The following ZNF227 variants were observed in gnomAD, a reference collection of about 807,000 sequenced individuals.
The protein encoded by ZNF227 is zinc finger protein 227.
A neutral mutation model predicts 13.2 loss-of-function variants in ZNF227; 12 were observed. The observed-to-expected ratio is 0.91, with a 90% confidence interval of 0.58 to 1.47. The LOEUF (loss-of-function observed/expected upper bound fraction) is 1.47, where lower values mean the gene tolerates loss of function less well. ZNF227 is among the 40% of genes most tolerant of loss of function. ZNF227 has a pLI of 0.00. For missense variants in ZNF227, 885 were observed against 967.5 expected, an observed-to-expected ratio of 0.91 and a Z score of 1.13; for synonymous variants, 338 against 326.0, an observed-to-expected ratio of 1.04 and a Z score of -0.40.
intron 5 of ZNF227, among the ~76,000 whole-genome samples, chr19:44,230,537 T>G (rs1007709034): frequency 1.3e-5 from 2 of 152,122 alleles, no homozygotes; most frequent in African/African-American, 4.8e-5. Context: ...CAAGTTCCCT[T>G]CTCTTCCATG....
Position 44,236,505 on chromosome 19 carries a change from A to C in ZNF227, c.2075A>C (p.Glu692Ala), listed in dbSNP as rs755237807. 78 of 1,613,254 alleles carry C rather than the reference A, an allele frequency of 4.8e-5. No individual in the cohort carries two copies. In the East Asian group the frequency reaches 1.3e-3, roughly 27 times the overall value. The change falls in exon 6 of 6, where the codon GAG becomes GCG. Residue 692 changes from glutamate (E) to alanine (A), a missense_variant. Glu to Ala is a moderately radical substitution (Grantham distance 107). Coordinates refer to ENST00000313040, the MANE Select transcript of ZNF227 (RefSeq NM_182490.3). ...GGAGAAAAACCTTACAAATGTGAAGAGTGTGGGAAAGGCTTTGGTAGGAGC... is the reference window on the plus strand; with the variant it reads ...GGAGAAAAACCTTACAAATGTGAAGCGTGTGGGAAAGGCTTTGGTAGGAGC... ...HTGEKPYKCE[E>A]CGKGFGRSLN... is the part of the protein sequence containing the mutation.
At position 44,213,152 on chromosome 19, in the gene ZNF227, C is replaced by T. The variant is rs1417530968; in HGVS notation, c.-95C>T. On this transcript the variant is annotated 5_prime_UTR_variant, in exon 2 of 6. Transcript: ENST00000313040. ...CCGCCGTTTATCCGGGATAGAGACT[C>T]CATCGTGCTGACAGCATCCTTTTAT... 1 of 151,978 alleles carries T rather than the reference C, an allele frequency of 6.6e-6. No homozygotes were observed. The highest frequency in any genetic ancestry group is 6.6e-5 in the Admixed American group (1 of 15,254). 9.4% of individuals were successfully genotyped at this position (151,978 alleles called of 1,614,324 possible).
chr19:44,221,461 G>C (rs954674447), intron 3 of ZNF227, among the ~76,000 whole-genome samples: 9 of 152,282 alleles, frequency 5.9e-5, no homozygotes, highest in South Asian at 2.1e-4. Flanking sequence ...ATTCTAACTG[G>C]TGTGAGATGG....
At chr19:44,233,942 C>T (rs915471666) in intron 5 of ZNF227, among the ~76,000 whole-genome samples, 6 of 151,922 alleles carry the variant, frequency 3.9e-5, no homozygotes, top group South Asian at 2.1e-4. Flanking sequence ...ATTTTTACAT[C>T]GTGTGTTATG....
chr19:44,226,885 A>C (rs534662127), intron 3 of ZNF227, among the ~76,000 whole-genome samples: 19 of 152,336 alleles, frequency 1.2e-4, no homozygotes, highest in African/African-American at 4.6e-4. Context: ...TGGGAGCTGT[A>C]GACCGGAGCT....
chr19:44,219,194 T>A (rs1972192982), intron 3 of ZNF227, among the ~76,000 whole-genome samples: 1 of 152,188 alleles, frequency 6.6e-6, no homozygotes, highest in African/African-American at 2.4e-5. Flanking sequence ...GCCCTGATAT[T>A]ACCTTTTGGA....
upstream of ZNF227, among the ~76,000 whole-genome samples, chr19:44,211,181 C>A (rs1971347122): frequency 1.3e-5 from 2 of 148,258 alleles, no homozygotes; most frequent in South Asian, 2.1e-4. Context: ...CCAGCCTGGG[C>A]AAAAGAGCCA....
At chr19:44,215,751 G>T (rs1005030084) in intron 2 of ZNF227, among the ~76,000 whole-genome samples, 5 of 152,076 alleles carry the variant, frequency 3.3e-5, no homozygotes, top group Non-Finnish European at 5.9e-5. Flanking sequence ...ACTTGGGGAG[G>T]CCTAGGCGGG....
chr19:44,225,595 C>T (rs1176867995), intron 3 of ZNF227, among the ~76,000 whole-genome samples: 3 of 152,084 alleles, frequency 2.0e-5, no homozygotes, highest in Non-Finnish European at 4.4e-5. Flanking sequence ...ATGTAGTTCT[C>T]GAGCCTTGGC....
upstream of ZNF227, chr19:44,207,572 A>G (rs1971241064): frequency 6.6e-6 from 1 of 152,130 alleles, no homozygotes; most frequent in Non-Finnish European, 1.5e-5. Context: ...TTTTCGCTCT[A>G]GGAGGGCGAA....
At chr19:44,219,937 C>A (rs911289169) in intron 3 of ZNF227, among the ~76,000 whole-genome samples, 13 of 151,876 alleles carry the variant, frequency 8.6e-5, no homozygotes, top group South Asian at 2.1e-4. Context: ...CCACTCCCCC[C>A]ACCCCACAAC....
chr19:44,232,824 G>C (rs1314965638), intron 5 of ZNF227, among the ~76,000 whole-genome samples: 2 of 152,038 alleles, frequency 1.3e-5, no homozygotes, highest in Non-Finnish European at 1.5e-5. Flanking sequence ...CACCATGCCA[G>C]GCTAATTGTT....
upstream of ZNF227, among the ~76,000 whole-genome samples, chr19:44,209,776 C>T (rs917181071): frequency 3.3e-5 from 5 of 152,040 alleles, no homozygotes; most frequent in African/African-American, 1.2e-4. Context: ...TTAGTAGAGA[C>T]GGGGTTTCAC....
At position 44,229,732 on chromosome 19, in the gene ZNF227, G is replaced by C; in HGVS notation, c.188-1G>C. On this transcript the variant is annotated splice_acceptor_variant, in intron 4 of 5. Coordinates refer to ENST00000313040, the MANE Select transcript of ZNF227 (RefSeq NM_182490.3). LOFTEE classifies it high-confidence loss of function. Reference sequence around the variant, plus strand: ...ATACATAAAAATCTACATTTTCATAGGGCATCTTCCCTTCCAACCAGATAT... The same window carrying C: ...ATACATAAAAATCTACATTTTCATACGGCATCTTCCCTTCCAACCAGATAT... 6.4e-7 allele frequency: 1 copy of C among 1,562,544 alleles called. No homozygotes were observed.
At chr19:44,218,094 A>G (rs921350240) in intron 3 of ZNF227, among the ~76,000 whole-genome samples, 1 of 152,330 alleles carries the variant, frequency 6.6e-6, no homozygotes, top group East Asian at 1.9e-4. Context: ...CTTATGAACT[A>G]GCTTTTTTCA....
intron 2 of ZNF227, among the ~76,000 whole-genome samples, chr19:44,214,850 AC>A (rs1374394179): frequency 6.7e-5 from 10 of 150,048 alleles, no homozygotes; most frequent in Admixed American, 4.0e-4. Flanking sequence ...TGGGCAGCGG[AC>A]CTGGTACTAG....
chr19:44,219,503 A>G (rs1389080992), intron 3 of ZNF227, among the ~76,000 whole-genome samples: 1 of 148,950 alleles, frequency 6.7e-6, no homozygotes. Context: ...TGTCATAAAG[A>G]AAAGAAATTT....
intron 3 of ZNF227, among the ~76,000 whole-genome samples, chr19:44,226,121 T>A (rs935802997): frequency 6.6e-5 from 10 of 152,218 alleles, no homozygotes; most frequent in African/African-American, 2.4e-4. Flanking sequence ...CAAATGCTGC[T>A]GCCTGATTGT....
chr19:44,212,490 G>T (rs765303989), upstream of ZNF227: 5 of 151,658 alleles, frequency 3.3e-5, no homozygotes, highest in Non-Finnish European at 7.4e-5. Context: ...CCGCAGGAGC[G>T]CGGGCCTTCT....
Sources: gnomAD v4.1 joint callset for allele counts (sites outside exome capture counted in the v4.1 genomes callset) on GRCh38, gnomAD v4.1.1 for gene constraint, MANE v1.5 for transcripts, NCBI Gene and HGNC (gene_info 2026-07-23, HGNC 2026-07-21) for gene names.